Variants in NPAS3 observed in about 807,000 individuals in gnomAD.
NPAS3 encodes neuronal PAS domain protein 3.
Under a neutral mutation model 73.1 loss-of-function variants are expected in NPAS3, and 14 were observed. The observed-to-expected ratio is 0.19, with a 90% CI of 0.13 to 0.30. The LOEUF is 0.30. Among genes scored for constraint, NPAS3 ranks in the 10% least tolerant of loss-of-function variants. NPAS3 has a pLI of 1.00. For synonymous variants in NPAS3, 620 were observed against 541.5 expected (o/e 1.14, Z -2.01); for missense variants, 1,096 against 1,250.0 (o/e 0.88, Z 1.86).
intron 2 of NPAS3, among the ~76,000 whole-genome samples, chr14:33,196,545 T>A (rs986366660): frequency 2.0e-5 from 3 of 152,198 alleles, no homozygotes; most frequent in African/African-American, 7.2e-5. Context: ...AACGCATAGA[T>A]GGGTGGCTCT....
At chr14:33,595,545 T>C (rs893870419) in intron 5 of NPAS3, among the ~76,000 whole-genome samples, 7 of 152,206 alleles carry the variant, frequency 4.6e-5, no homozygotes, top group Non-Finnish European at 1.0e-4. Context: ...CATATGCATG[T>C]AAAATTTTTA....
chr14:33,159,160 C>T (rs1288932671), intron 2 of NPAS3, among the ~76,000 whole-genome samples: 2 of 151,932 alleles, frequency 1.3e-5, no homozygotes, highest in African/African-American at 4.8e-5. Context: ...GAGACTCCAT[C>T]TCAAAAAAAA....
chr14:33,797,139 C>T (rs190931447), intron 10 of NPAS3, among the ~76,000 whole-genome samples: 1 of 152,318 alleles, frequency 6.6e-6, no homozygotes, highest in Non-Finnish European at 1.5e-5. Context: ...GAGTACTTCT[C>T]ATCCTCCCTT....
chr14:33,673,740 A>G (rs1383731235), intron 5 of NPAS3, among the ~76,000 whole-genome samples: 1 of 152,216 alleles, frequency 6.6e-6, no homozygotes, highest in Non-Finnish European at 1.5e-5. Flanking sequence ...GTGGAATACA[A>G]TGTGAATGGT....
chr14:33,147,344 T>C (rs538687975), intron 2 of NPAS3, among the ~76,000 whole-genome samples: 6 of 152,336 alleles, frequency 3.9e-5, no homozygotes, highest in East Asian at 3.9e-4. Flanking sequence ...TTTCCCCATA[T>C]GCAAAATGTG....
intron 2 of NPAS3, among the ~76,000 whole-genome samples, chr14:33,168,583 G>A (rs565925048): frequency 1.3e-5 from 2 of 152,282 alleles, no homozygotes; most frequent in East Asian, 1.9e-4. Context: ...AAAGCTGACT[G>A]CCCCTCATTT....
At chr14:33,577,629 C>T (rs374560093) in intron 5 of NPAS3, among the ~76,000 whole-genome samples, 1 of 152,114 alleles carries the variant, frequency 6.6e-6, no homozygotes, top group Non-Finnish European at 1.5e-5. Context: ...TTTCAGAGGC[C>T]GTCATCCAGT....
chr14:33,172,856 T>C (rs560995838), intron 2 of NPAS3, among the ~76,000 whole-genome samples: 2 of 152,328 alleles, frequency 1.3e-5, no homozygotes, highest in African/African-American at 4.8e-5. Context: ...ATAGACCACT[T>C]GCCTAATAGG....
At chr14:33,415,283 AC>A (rs1279785872) in intron 4 of NPAS3, among the ~76,000 whole-genome samples, 2 of 152,192 alleles carry the variant, frequency 1.3e-5, no homozygotes, top group East Asian at 1.9e-4. Flanking sequence ...AAGAATAAAA[AC>A]TTTTTTCTCT....
At chr14:33,726,827 G>A (rs144580132) in intron 6 of NPAS3, among the ~76,000 whole-genome samples, 1 of 152,290 alleles carries the variant, frequency 6.6e-6, no homozygotes, top group East Asian at 1.9e-4. Context: ...CATGTGCTGA[G>A]TGAGGGCAAG....
chr14:33,366,422 G>T (rs943652880), intron 3 of NPAS3, among the ~76,000 whole-genome samples: 1 of 152,038 alleles, frequency 6.6e-6, no homozygotes, highest in African/African-American at 2.4e-5. Context: ...AGGACTCCTT[G>T]TGTGGTAGGC....
At chr14:33,389,817 GA>G (rs1566858743) in intron 4 of NPAS3, among the ~76,000 whole-genome samples, 1 of 152,080 alleles carries the variant, frequency 6.6e-6, no homozygotes. Context: ...TTTGAATGAG[GA>G]ATGTTGTTCC....
intron 3 of NPAS3, among the ~76,000 whole-genome samples, chr14:33,310,067 A>C (rs925670376): frequency 6.6e-6 from 1 of 152,210 alleles, no homozygotes; most frequent in Non-Finnish European, 1.5e-5. Flanking sequence ...AAATGTATAG[A>C]AACATGGCCT....
intron 2 of NPAS3, among the ~76,000 whole-genome samples, chr14:33,160,502 GA>G (rs1166407662): frequency 1.9e-5 from 2 of 106,448 alleles, no homozygotes; most frequent in Non-Finnish European, 3.6e-5. Flanking sequence ...GGGGTGGGGG[GA>G]GGGGGGAGGG....
At chr14:32,965,844 A>G (rs931764033) in intron 1 of NPAS3, among the ~76,000 whole-genome samples, 1 of 152,234 alleles carries the variant, frequency 6.6e-6, no homozygotes, top group African/African-American at 2.4e-5. Context: ...TGTTGGGACT[A>G]AAAAACAAAT....
At chr14:33,422,678 C>T (rs796891566) in intron 4 of NPAS3, among the ~76,000 whole-genome samples, 1 of 151,894 alleles carries the variant, frequency 6.6e-6, no homozygotes, top group African/African-American at 2.4e-5. Context: ...AGAGTAGACA[C>T]TCAAAATATA....
At chr14:33,093,252 A>T (rs1482593510) in intron 2 of NPAS3, among the ~76,000 whole-genome samples, 1 of 152,148 alleles carries the variant, frequency 6.6e-6, no homozygotes, top group Non-Finnish European at 1.5e-5. Flanking sequence ...GAATCTACAA[A>T]GAACTCAAAC....
chr14:33,678,244 T>A (rs1338961356), intron 6 of NPAS3, among the ~76,000 whole-genome samples: 1 of 152,202 alleles, frequency 6.6e-6, no homozygotes, highest in Non-Finnish European at 1.5e-5. Flanking sequence ...GCCCACTCCC[T>A]TGTTGAGTAG....
chr14:33,036,561 C>T (rs1229294454), intron 1 of NPAS3, among the ~76,000 whole-genome samples: 3 of 152,092 alleles, frequency 2.0e-5, no homozygotes, highest in Admixed American at 2.0e-4. Flanking sequence ...CACAGTATAG[C>T]ATTTATTATT....
Sources: allele counts gnomAD v4.1 joint callset (sites outside exome capture counted in the v4.1 genomes callset), GRCh38; gene constraint gnomAD v4.1.1; transcripts MANE v1.5; gene names NCBI Gene and HGNC (gene_info 2026-07-23, HGNC 2026-07-21).